Variants in POLN observed in about 807,000 individuals in gnomAD.
POLN encodes the protein DNA polymerase N.
In POLN, 108 loss-of-function variants were observed where a neutral mutation model predicts 113.5. That is an observed-to-expected ratio of 0.95 (90% CI 0.81 to 1.12). POLN has a LOEUF of 1.12. Ranked by LOEUF, POLN falls within the 50% of genes most tolerant of loss-of-function variation. POLN has a pLI of 0.00. For missense variants in POLN, 1,097 were observed against 1,077.1 expected (o/e 1.02, Z -0.26); for synonymous variants, 386 against 391.5 (o/e 0.99, Z 0.17).
intron 2 of POLN, chr4:2,240,744 C>G (rs1374557082): frequency 6.2e-7 from 1 of 1,613,832 alleles, no homozygotes; most frequent in Non-Finnish European, 8.5e-7. Flanking sequence ...AATAGGCTTG[C>G]CTGATTTCTG....
chr4:2,143,130 GAA>G (rs1732045944), intron 16 of POLN, among the ~76,000 whole-genome samples: 2 of 151,096 alleles, frequency 1.3e-5, no homozygotes, highest in Non-Finnish European at 3.0e-5. Context: ...TGAGAAAAAA[GAA>G]AAAGTCTCAA....
chr4:2,084,344 G>A lies in POLN; in HGVS notation c.2197+1269C>T, dbSNP rs1034310869. 3.3e-5 allele frequency among the ~76,000 whole-genome samples: 5 copies of A among 152,182 alleles called. 1 individual carries two copies. The South Asian group carries it at 6.2e-4, about 19-fold the overall frequency. On this transcript the variant is annotated intron_variant, in intron 21 of 25. Coordinates refer to ENST00000511885, the MANE Select transcript of POLN (RefSeq NM_181808.4). ...TCCTGGCCCTGTCTCTGCGCAGGTC[G>A]CCAGCTCCATGAGATGGAGGCTGGC... is the stretch of plus-strand genomic sequence containing the variant.
chr4:2,193,407 C>CT, intron 6 of POLN, 91 bp from the exon 7 acceptor site: 4 of 749,902 alleles, frequency 5.3e-6, no homozygotes, highest in Non-Finnish European at 8.7e-6. Flanking sequence ...TAACAGCTAT[C>CT]ACTTAGATAG....
chr4:2,131,177 C>T, intron 17 of POLN, 56 bp downstream of exon 17: 2 of 1,268,720 alleles, frequency 1.6e-6, no homozygotes, highest in African/African-American at 1.5e-5. Context: ...AGAGTGACAC[C>T]CTATCTCAAA....
At chr4:2,196,312 T>C (rs564818609) in intron 6 of POLN, among the ~76,000 whole-genome samples, 1 of 152,110 alleles carries the variant, frequency 6.6e-6, no homozygotes, top group African/African-American at 2.4e-5. Context: ...ACCTAGGAAG[T>C]GCTGCGCAAA....
chr4:2,147,698 A>G (rs1210142478), intron 16 of POLN, among the ~76,000 whole-genome samples: 2 of 135,948 alleles, frequency 1.5e-5, no homozygotes, highest in African/African-American at 5.5e-5. Flanking sequence ...GCTGGAACAC[A>G]ATGGCGTGAT....
intron 19 of POLN, among the ~76,000 whole-genome samples, chr4:2,102,166 G>A (rs1730943236): frequency 6.6e-6 from 1 of 152,118 alleles, no homozygotes; most frequent in Non-Finnish European, 1.5e-5. Context: ...CTTCACCAAG[G>A]CAGGTGCATG....
At chr4:2,173,711 G>GT (rs1403978600) in intron 11 of POLN, among the ~76,000 whole-genome samples, 5 of 152,110 alleles carry the variant, frequency 3.3e-5, no homozygotes, top group African/African-American at 1.2e-4. Context: ...TAAGAAAAAC[G>GT]TAACTTTTGA....
intron 16 of POLN, among the ~76,000 whole-genome samples, chr4:2,136,261 C>A (rs992214316): frequency 5.3e-5 from 8 of 152,236 alleles, no homozygotes; most frequent in African/African-American, 1.4e-4. Flanking sequence ...AATTTTCTTA[C>A]AATTTTAATC....
chr4:2,212,753 C>T (rs1345704345), intron 4 of POLN, among the ~76,000 whole-genome samples: 1 of 152,070 alleles, frequency 6.6e-6, no homozygotes, highest in African/African-American at 2.4e-5. Flanking sequence ...TTCAGAAAGA[C>T]ATCCCTGACT....
intron 3 of POLN, among the ~76,000 whole-genome samples, chr4:2,219,678 G>C (rs565809620): frequency 6.6e-6 from 1 of 152,268 alleles, no homozygotes; most frequent in East Asian, 1.9e-4. Flanking sequence ...CCCTTCTGCA[G>C]AACAATGTTA....
chr4:2,143,077 A>AGC (rs1732043748), intron 16 of POLN, among the ~76,000 whole-genome samples: 1 of 152,144 alleles, frequency 6.6e-6, no homozygotes, highest in African/African-American at 2.4e-5. Flanking sequence ...TTAAAGATAG[A>AGC]GCAGTGCTGA....
intron 5 of POLN, among the ~76,000 whole-genome samples, chr4:2,202,495 G>A (rs969429764): frequency 5.9e-5 from 9 of 151,954 alleles, no homozygotes; most frequent in Non-Finnish European, 5.9e-5. Flanking sequence ...AGGCCCACAC[G>A]GGCAGATCAC....
chr4:2,148,542 C>T (rs1286792882), intron 16 of POLN, among the ~76,000 whole-genome samples: 1 of 152,112 alleles, frequency 6.6e-6, no homozygotes, highest in Non-Finnish European at 1.5e-5. Flanking sequence ...TGGCATGCGC[C>T]TGTAATCCCA....
At chr4:2,202,164 G>T (rs985566588) in intron 5 of POLN, among the ~76,000 whole-genome samples, 1 of 151,830 alleles carries the variant, frequency 6.6e-6, no homozygotes, top group Non-Finnish European at 1.5e-5. Flanking sequence ...GCAACAAATA[G>T]TACAATGAAT....
intron 23 of POLN, chr4:2,079,247 A>G (rs1462009172): frequency 3.4e-6 from 1 of 292,122 alleles, no homozygotes; most frequent in Admixed American, 6.5e-5. Context: ...CAACTTTTCT[A>G]GACTTGCAGT....
chr4:2,169,095 G>C (rs1024621016), intron 13 of POLN, among the ~76,000 whole-genome samples: 4 of 152,204 alleles, frequency 2.6e-5, no homozygotes, highest in African/African-American at 9.6e-5. Flanking sequence ...CGAGTCTGGG[G>C]ACAGAGAAGG....
At chr4:2,158,021 G>T in intron 14 of POLN, 110 bp from the exon 15 acceptor site, 1 of 696,542 alleles carries the variant, frequency 1.4e-6, no homozygotes, top group Non-Finnish European at 2.3e-6. Context: ...GCGTGATCTC[G>T]GCTTGCCGCA....
At chr4:2,228,001 GTATA>G (rs1371497247) in intron 3 of POLN, 1 of 152,308 alleles carries the variant, frequency 6.6e-6, no homozygotes, top group Non-Finnish European at 1.5e-5. Context: ...CTATAATAAA[GTATA>G]TAAGCAACAG....
Sources: gnomAD v4.1 joint callset for allele counts (sites outside exome capture counted in the v4.1 genomes callset) on GRCh38, gnomAD v4.1.1 for gene constraint, MANE v1.5 for transcripts, NCBI Gene and HGNC (gene_info 2026-07-23, HGNC 2026-07-21) for gene names.